The following TEAD2 variants were observed in gnomAD, a reference collection of about 807,000 sequenced individuals.
The protein encoded by TEAD2 is transcriptional enhancer factor TEF-4.
A neutral mutation model predicts 61.4 loss-of-function variants in TEAD2; 51 were observed. That is an observed-to-expected ratio of 0.83 (90% CI 0.66 to 1.05). TEAD2 has a LOEUF of 1.05. TEAD2 is among the 50% of genes least tolerant of loss of function. TEAD2 has a pLI of 0.00. For missense variants in TEAD2, 509 were observed against 600.0 expected, an observed-to-expected ratio of 0.85 and a Z score of 1.58; for synonymous variants, 244 against 243.2, an observed-to-expected ratio of 1.00 and a Z score of -0.03.
chr19:49,356,799 G>A (rs1441760813), intron 4 of TEAD2, among the ~76,000 whole-genome samples: 1 of 151,924 alleles, frequency 6.6e-6, no homozygotes, highest in African/African-American at 2.4e-5. Flanking sequence ...CCATGCCATC[G>A]CTCCCTGCCC....
In TEAD2 at chr19:49,347,340, G is replaced by A. The variant is rs1378051644; in HGVS notation, c.771C>T (p.His257=). The A allele has an allele frequency of 1.9e-6, 3 of 1,611,294 alleles. No homozygotes were observed. In the African/African-American group the frequency reaches 4.0e-5, roughly 22 times the overall value. The change falls in exon 10 of 13, where the codon CAC becomes CAT. Residue 257 remains histidine, a synonymous_variant. Transcript: ENST00000593945. ...VDSYQRHLFV[H]ISQHCPSPGA... ...CGGGGCTGGGGCAGTGCTGGCTGAT[G>A]TGCACGAACAGGTGCCTCTGGTACT... is the stretch of plus-strand genomic sequence containing the variant.
chr19:49,358,459 G>A (rs1001391978), intron 3 of TEAD2, among the ~76,000 whole-genome samples: 5 of 151,852 alleles, frequency 3.3e-5, no homozygotes, highest in Admixed American at 1.3e-4. Flanking sequence ...AAAGAGTCTG[G>A]GACCTCTGTC....
chr19:49,341,463 C>T lies in TEAD2; in HGVS notation c.1243-26G>A, dbSNP rs1778475953. 2.5e-6 allele frequency: 4 copies of T among 1,600,212 alleles called. No homozygotes were observed. Among genetic ancestry groups the T allele is most frequent in the Admixed American group, 1.7e-5 (1 of 59,934 alleles). ...CTGCCAGGAAGGCCAGGACAAGGGA[C>T]TTATGCTTAGAAGGGAGGGCAGGGA... On this transcript the variant is annotated intron_variant, in intron 12 of 12. Coordinates refer to ENST00000593945, the MANE Select transcript of TEAD2 (RefSeq NM_001256660.2). This position sits in a 1 kb window ranked among gnomAD's most constrained non-coding sequence, Gnocchi z 4.2.
At chr19:49,358,968 G>A (rs571088156) in intron 3 of TEAD2, among the ~76,000 whole-genome samples, 2 of 152,166 alleles carry the variant, frequency 1.3e-5, no homozygotes, top group African/African-American at 2.4e-5. Flanking sequence ...AGTAGCTCAC[G>A]CCTGTAATCC....
chr19:49,356,432 G>C (rs1363960451), intron 4 of TEAD2, among the ~76,000 whole-genome samples: 1 of 136,434 alleles, frequency 7.3e-6, no homozygotes, highest in Non-Finnish European at 1.6e-5. Flanking sequence ...TCCAGAAAAA[G>C]AGACAGAAAA....
chr19:49,351,111 G>A (rs981977273), intron 8 of TEAD2, among the ~76,000 whole-genome samples, 190 bp downstream of exon 8: 51 of 152,010 alleles, frequency 3.4e-4, no homozygotes, highest in Admixed American at 2.0e-3. Flanking sequence ...CCCAGGAGGC[G>A]GAGGTTGCAG....
chr19:49,343,188 C>T (rs754065933), intron 11 of TEAD2, 43 bp downstream of exon 11: 61 of 1,566,840 alleles, frequency 3.9e-5, no homozygotes, highest in Non-Finnish European at 5.0e-5. Flanking sequence ...GTCCATTCTG[C>T]ACCCCCAAGT....
At chr19:49,352,998 A>G (rs1972120774) in intron 7 of TEAD2, among the ~76,000 whole-genome samples, 1 of 152,092 alleles carries the variant, frequency 6.6e-6, no homozygotes, top group South Asian at 2.1e-4. Context: ...CTCAACAAAT[A>G]CTGGACTGGC....
intron 9 of TEAD2, among the ~76,000 whole-genome samples, chr19:49,347,667 G>A (rs1971739284): frequency 6.6e-6 from 1 of 152,018 alleles, no homozygotes; most frequent in Non-Finnish European, 1.5e-5. Flanking sequence ...CGCCTCTCCA[G>A]TTCATCCCTC....
At chr19:49,358,560 G>A (rs554567252) in intron 3 of TEAD2, among the ~76,000 whole-genome samples, 1 of 152,172 alleles carries the variant, frequency 6.6e-6, no homozygotes, top group East Asian at 1.9e-4. Flanking sequence ...CTCACCAGGA[G>A]CAGATGCCAG....
At chr19:49,362,113 C>T (rs1600816888) in intron 1 of TEAD2, among the ~76,000 whole-genome samples, 1 of 152,284 alleles carries the variant, frequency 6.6e-6, no homozygotes, top group East Asian at 1.9e-4. Flanking sequence ...CACACCCCGC[C>T]AGCGCCCTTG....
intron 8 of TEAD2, among the ~76,000 whole-genome samples, chr19:49,350,365 T>C (rs138633821): frequency 0.016 from 2,434 of 152,222 alleles, 73 homozygotes; most frequent in African/African-American, 0.054. Flanking sequence ...TGTCGCCCAG[T>C]CTGGAGTGCA....
chr19:49,342,536 G>A lies in TEAD2; in HGVS notation c.1144C>T (p.Pro382Ser). Residue 382 changes from proline (P) to serine (S), a missense_variant, in exon 12 of 13, where the codon CCC (proline) becomes TCC (serine). Coordinates refer to ENST00000593945, the MANE Select transcript of TEAD2 (RefSeq NM_001256660.2). Reference sequence around the variant, plus strand: ...AAATTCACCAGGTACTCGCACATGGGCGAGCGCAGCAGGCGGTACACAAAT... The same window carrying A: ...AAATTCACCAGGTACTCGCACATGGACGAGCGCAGCAGGCGGTACACAAAT... ...GRFVYRLLRS[P>S]MCEYLVNFLH... The A allele has an allele frequency of 1.9e-6, 3 of 1,614,098 alleles. No homozygotes were observed. The South Asian group carries it at 3.3e-5, about 18-fold the overall frequency.
At chr19:49,360,307 T>A in intron 1 of TEAD2, 3 of 557,764 alleles carry the variant, frequency 5.4e-6, no homozygotes, top group Non-Finnish European at 9.5e-6. Context: ...GGGCCCGGAC[T>A]CCTAGGACTG....
At position 49,356,655 on chromosome 19, in the gene TEAD2, A is replaced by G. The variant is rs1162748469; in HGVS notation, c.360+597T>C. Among the ~76,000 whole-genome samples the G allele has an allele frequency of 3.9e-5, 6 of 152,130 alleles. No homozygotes were observed. In the East Asian group the frequency reaches 1.2e-3, roughly 29 times the overall value. Reference sequence around the variant, plus strand: ...GAGGCCTTCACAGCACAAGAGGGGGAAGATATGAGACCGCCAGGAAGAGGG... The same window carrying G: ...GAGGCCTTCACAGCACAAGAGGGGGGAGATATGAGACCGCCAGGAAGAGGG... On this transcript the variant is annotated intron_variant, in intron 4 of 12. Transcript: ENST00000593945.
chr19:49,343,506 G>A (rs1333315017), intron 10 of TEAD2, 108 bp from the exon 11 acceptor site: 35 of 1,271,520 alleles, frequency 2.8e-5, no homozygotes, highest in African/African-American at 7.5e-5. Flanking sequence ...TTGGGAGGCC[G>A]AGGCGGGCGG....
chr19:49,357,438 G>T, intron 3 of TEAD2, 124 bp from the exon 4 acceptor site: 1 of 1,016,428 alleles, frequency 9.8e-7, no homozygotes, highest in Non-Finnish European at 1.5e-6. Flanking sequence ...ACACACTGAA[G>T]ATGAGAGCCA....
Position 49,360,087 on chromosome 19 carries a change from G to A in TEAD2, c.-6-6C>T. 1 of 1,600,212 alleles carries A rather than the reference G, an allele frequency of 6.2e-7. No individual in the cohort carries two copies. The highest frequency in any genetic ancestry group is 1.1e-5 in the South Asian group (1 of 90,868). ...CGGGGTTCCCCCATCTGGGCCTGGA[G>A]GAACACAGAACTCAGCAAGCTTCCC... On this transcript the variant is annotated splice_region_variant and splice_polypyrimidine_tract_variant and intron_variant, in intron 1 of 12. Coordinates refer to ENST00000593945, the MANE Select transcript of TEAD2 (RefSeq NM_001256660.2).
Position 49,346,184 on chromosome 19 carries a change from AAC to A in TEAD2, c.921+1004_921+1005del, listed in dbSNP as rs1446940292. Among the ~76,000 whole-genome samples, 70 of 146,296 alleles carry A rather than the reference AAC, an allele frequency of 4.8e-4. 2 individuals carry two copies. The highest frequency in any genetic ancestry group is 7.2e-4 in the African/African-American group (28 of 38,728). The stretch of plus-strand genomic sequence containing the variant: ...CCATCTCAAAAAAAAAAAAAAAAAA[AAC>A]AATAAAAGAAAATAAAACACATTTA... On this transcript the variant is annotated intron_variant, in intron 10 of 12. Transcript: ENST00000593945.
Sources: gnomAD v4.1 joint callset for allele counts (sites outside exome capture counted in the v4.1 genomes callset) on GRCh38, gnomAD v4.1.1 for gene constraint, Gnocchi (gnomAD v3.1) non-coding constraint, MANE v1.5 for transcripts, NCBI Gene and HGNC (gene_info 2026-07-23, HGNC 2026-07-21) for gene names.